The following OASL variants were observed in gnomAD, a reference collection of about 807,000 sequenced individuals.
The protein encoded by OASL is 2'-5'-oligoadenylate synthetase like.
Under a neutral mutation model 35.3 loss-of-function variants are expected in OASL, and 28 were observed. That is an observed-to-expected ratio of 0.79 (90% CI 0.59 to 1.09). The LOEUF is 1.09. OASL is among the 50% of genes least tolerant of loss of function. The pLI is 0.00. For synonymous variants in OASL, 252 were observed against 254.6 expected, an observed-to-expected ratio of 0.99 and a Z score of 0.10; for missense variants, 620 against 635.2, an observed-to-expected ratio of 0.98 and a Z score of 0.26.
At chr12:121,027,893 G>A in intron 3 of OASL, 76 bp from the exon 4 acceptor site, 6 of 1,323,122 alleles carry the variant, frequency 4.5e-6, no homozygotes, top group Non-Finnish European at 6.4e-6. Flanking sequence ...ACCAGAAGCT[G>A]AGAAATCCAA....
chr12:121,030,708 A>G (rs1869689950), intron 3 of OASL, among the ~76,000 whole-genome samples: 1 of 152,024 alleles, frequency 6.6e-6, no homozygotes, highest in Non-Finnish European at 1.5e-5. Context: ...ACACTCACAC[A>G]TGCCCTCTTT....
exon 1 of OASL, chr12:121,039,112 G>A (rs1001599485): frequency 1.0e-5 from 7 of 678,576 alleles, no homozygotes; most frequent in African/African-American, 1.8e-5. Flanking sequence ...TAGCAGAGAG[G>A]AAACCAGGTG....
At chr12:121,025,272 C>T (rs1217335663) in intron 4 of OASL, among the ~76,000 whole-genome samples, 2 of 151,992 alleles carry the variant, frequency 1.3e-5, no homozygotes, top group South Asian at 2.1e-4. Flanking sequence ...CACCGGTGCC[C>T]GGCCTAGATT....
intron 4 of OASL, among the ~76,000 whole-genome samples, chr12:121,025,258 G>A (rs1247329957): frequency 6.6e-6 from 1 of 151,978 alleles, no homozygotes; most frequent in Non-Finnish European, 1.5e-5. Context: ...TTACAGGCAT[G>A]AGCCACCGGT....
chr12:121,037,118 T>A (rs974607778), intron 1 of OASL, among the ~76,000 whole-genome samples: 1 of 152,040 alleles, frequency 6.6e-6, no homozygotes, highest in Admixed American at 6.6e-5. Flanking sequence ...CCTCTGTGAG[T>A]TGGTTGCCCC....
chr12:121,038,323 T>G (rs1870036679), intron 1 of OASL, among the ~76,000 whole-genome samples: 1 of 152,148 alleles, frequency 6.6e-6, no homozygotes, highest in African/African-American at 2.4e-5. Flanking sequence ...AAAACTACTG[T>G]TACACCTAAC....
At chr12:121,018,869 CAAAA>C (rs1158102389), downstream of OASL, among the ~76,000 whole-genome samples, 4 of 55,306 alleles carry the variant, frequency 7.2e-5, no homozygotes, top group East Asian at 1.1e-3. Flanking sequence ...GACTCCATCT[CAAAA>C]AAAAAAAAAA....
chr12:121,032,008 TG>T lies in OASL; in HGVS notation c.482-392del, dbSNP rs374452258. 3.4e-3 allele frequency among the ~76,000 whole-genome samples: 519 copies of T among 152,148 alleles called. 3 individuals carry two copies. Among genetic ancestry groups the T allele is most frequent in the African/African-American group, 0.012 (494 of 41,514 alleles). On this transcript the variant is annotated intron_variant, in intron 2 of 5. Coordinates refer to ENST00000257570, the Ensembl canonical transcript of OASL. ...GAGTTTGAAATCAGCCTGGCCAACA[TG>T]GTGAAATCCTATCTCTACTAAAAAT...
intron 1 of OASL, among the ~76,000 whole-genome samples, chr12:121,038,452 A>G (rs1870041370): frequency 6.6e-6 from 1 of 152,196 alleles, no homozygotes; most frequent in Non-Finnish European, 1.5e-5. Flanking sequence ...AGGACCTCGC[A>G]TTGTATTGGT....
At chr12:121,032,848 T>G (rs75972401) in intron 2 of OASL, among the ~76,000 whole-genome samples, 14,263 of 152,224 alleles carry the variant, frequency 0.094, 1,292 homozygotes, top group East Asian at 0.26. Flanking sequence ...GAGCACCCTT[T>G]CTGTGGTTAC....
exon 1 of OASL, chr12:121,038,791 C>T: frequency 6.2e-7 from 1 of 1,614,074 alleles, no homozygotes; most frequent in Non-Finnish European, 8.5e-7. Flanking sequence ...ACCTTCAGCA[C>T]CCGCACATCC....
Position 121,031,586 on chromosome 12 carries a change from AG to A in OASL, c.512del (p.Pro171LeufsTer5), listed in dbSNP as rs1031803543. On this transcript the variant is annotated frameshift_variant, in exon 3 of 6. Coordinates refer to ENST00000257570, the Ensembl canonical transcript of OASL. LOFTEE classifies it high-confidence loss of function. ...CCTTGATCAGGCTCACATAGACCTC[AG>A]GGGGTGGCTGGGAGTTGGGAAGAGA... 2 of 1,613,532 alleles carry A rather than the reference AG, an allele frequency of 1.2e-6. No homozygotes were observed. Among genetic ancestry groups the A allele is most frequent in the Non-Finnish European group, 8.5e-7 (1 of 1,179,726 alleles).
exon 6 of OASL, chr12:121,020,941 A>T (rs1247499247): frequency 1.9e-6 from 3 of 1,614,220 alleles, no homozygotes. Context: ...AGGCCAGAGT[A>T]GCCCCTGGTC....
intron 3 of OASL, among the ~76,000 whole-genome samples, chr12:121,030,425 C>T (rs1869679763): frequency 6.6e-6 from 1 of 152,036 alleles, no homozygotes; most frequent in African/African-American, 2.4e-5. Flanking sequence ...AGGATGGTCT[C>T]GATCTCCTGA....
intron 2 of OASL, 52 bp downstream of exon 2, chr12:121,033,409 G>A (rs966328366): frequency 6.4e-7 from 1 of 1,571,218 alleles, no homozygotes; most frequent in African/African-American, 1.4e-5. Context: ...ACACTGGGAA[G>A]TCTCCTGGGG....
Position 121,022,085 on chromosome 12 carries a change from C to CTTT in OASL, c.1048-1030_1048-1028dup, listed in dbSNP as rs66924657. Among the ~76,000 whole-genome samples the CTTT allele has an allele frequency of 1.8e-3, 196 of 108,018 alleles. 4 individuals carry two copies. The highest frequency in any genetic ancestry group is 9.1e-3 in the East Asian group (30 of 3,288). 70.9% of individuals were successfully genotyped at this position (108,018 alleles called of 152,430 possible). On this transcript the variant is annotated intron_variant, in intron 5 of 5. Coordinates refer to ENST00000257570, the Ensembl canonical transcript of OASL. The stretch of plus-strand genomic sequence containing the variant: ...CCACCACATCTGGCTAAGTTTTGTT[C>CTTT]TTTTTTTTTTTTTTTTTTTTCAGAT...
intron 3 of OASL, among the ~76,000 whole-genome samples, chr12:121,030,446 T>G (rs1869680569): frequency 6.6e-6 from 1 of 152,082 alleles, no homozygotes. Context: ...TCTCATGATC[T>G]GCCCACCTCG....
chr12:121,021,916 G>C (rs531461350), intron 5 of OASL, among the ~76,000 whole-genome samples: 3 of 152,226 alleles, frequency 2.0e-5, no homozygotes, highest in Non-Finnish European at 4.4e-5. Context: ...GTGTGTGTTT[G>C]TTTTGTTTTT....
At chr12:121,036,114 T>C (rs1007472972) in intron 1 of OASL, among the ~76,000 whole-genome samples, 5 of 152,156 alleles carry the variant, frequency 3.3e-5, no homozygotes, top group African/African-American at 4.8e-5. Flanking sequence ...CCTCCCACCT[T>C]GGCCTCCCAA....
Sources: allele counts gnomAD v4.1 joint callset (sites outside exome capture counted in the v4.1 genomes callset), GRCh38; gene constraint gnomAD v4.1.1; transcripts MANE v1.5; gene names NCBI Gene and HGNC (gene_info 2026-07-23, HGNC 2026-07-21).